MRPL46: variants seen among roughly 807,000 people sequenced by gnomAD.
MRPL46 encodes the protein mitochondrial ribosomal protein L46.
Under a neutral mutation model 31.0 loss-of-function variants are expected in MRPL46, and 26 were observed. The ratio of observed to expected loss-of-function variants is 0.84; its 90% confidence interval spans 0.61 to 1.16. The LOEUF (loss-of-function observed/expected upper bound fraction) is 1.16. Among genes scored for constraint, MRPL46 ranks in the 50% most tolerant of loss-of-function variants. The pLI is 0.00. For missense variants in MRPL46, 395 were observed against 340.0 expected (o/e 1.16, Z -1.27); for synonymous variants, 159 against 141.3 (o/e 1.13, Z -0.89).
chr15:88,465,290 C>T lies in MRPL46; in HGVS notation c.415+297G>A, dbSNP rs141647449. ...TTTAAGAGGGATTTCACATAAAACA[C>T]AGGAATTAGTGGAAAAAGGCTTCAT... On this transcript the variant is annotated intron_variant, in intron 2 of 3. Transcript: ENST00000312475. 3.3e-3 allele frequency: 1,414 copies of T among 429,068 alleles called. 3 individuals carry two copies. Among genetic ancestry groups the T allele is most frequent in the Middle Eastern group, 5.9e-3 (10 of 1,686 alleles). The allele number at this position is 429,068 out of a possible 1,614,324, so 26.6% of individuals were successfully genotyped here.
chr15:88,466,611 T>A (rs572609580), intron 1 of MRPL46, among the ~76,000 whole-genome samples: 1 of 152,328 alleles, frequency 6.6e-6, no homozygotes, highest in East Asian at 1.9e-4. Flanking sequence ...AAGTTTATAG[T>A]TCTCAACAGA....
At position 88,464,676 on chromosome 15, in the gene MRPL46, G is replaced by A. The variant is rs112399455; in HGVS notation, c.589+27C>T. 8.1e-6 allele frequency: 13 copies of A among 1,608,548 alleles called. No homozygotes were observed. In the African/African-American group the frequency reaches 9.4e-5, roughly 12 times the overall value. On this transcript the variant is annotated intron_variant, in intron 3 of 3. Transcript: ENST00000312475. Reference sequence around the variant, plus strand: ...GGCTGAGTCTGAAGTGAATTTTGTGGAATTTAGAGGAAGGCAGAAAACCCA... The same window carrying A: ...GGCTGAGTCTGAAGTGAATTTTGTGAAATTTAGAGGAAGGCAGAAAACCCA...
At chr15:88,467,106 C>A in intron 1 of MRPL46, 44 bp downstream of exon 1, 1 of 1,591,934 alleles carries the variant, frequency 6.3e-7, no homozygotes, top group South Asian at 1.1e-5. Flanking sequence ...CGCTCAAAGT[C>A]ACGCAGAATA....
Position 88,467,355 on chromosome 15 carries a change from G to T in MRPL46, c.23C>A (p.Thr8Lys). The T allele has an allele frequency of 5.0e-6, 8 of 1,590,158 alleles. No homozygotes were observed. Among genetic ancestry groups the T allele is most frequent in the African/African-American group, 1.3e-5 (1 of 74,180 alleles). The change falls in exon 1 of 4, where the codon ACG (threonine) becomes AAG (lysine). Residue 8 changes from threonine to lysine, a missense_variant. By Grantham distance (78) the Thr-to-Lys change is moderately conservative (BLOSUM62 -1). Transcript: ENST00000312475. MAAPVRR[T>K]LLGVAGGWRR... Reference sequence around the variant, plus strand: ...CCAACCCCCCGCCACCCCTAACAGCGTCCGCCTTACGGGCGCCGCCATCTT... The same window carrying T: ...CCAACCCCCCGCCACCCCTAACAGCTTCCGCCTTACGGGCGCCGCCATCTT...
chr15:88,467,009 A>G, intron 1 of MRPL46, 141 bp downstream of exon 1: 4 of 912,526 alleles, frequency 4.4e-6, no homozygotes, highest in Non-Finnish European at 6.6e-6. Flanking sequence ...TTTTTGTTGA[A>G]CATCTATGTA....
chr15:88,467,347 C>A lies in MRPL46; in HGVS notation c.31G>T (p.Gly11Trp), dbSNP rs1309535898. 9 of 1,596,518 alleles carry A rather than the reference C, an allele frequency of 5.6e-6. No individual in the cohort carries two copies. Among genetic ancestry groups the A allele is most frequent in the African/African-American group, 2.7e-5 (2 of 74,282 alleles). Residue 11 changes from glycine (G) to tryptophan (W), a missense_variant, in exon 1 of 4, where the codon GGG (glycine) becomes TGG (tryptophan). Coordinates refer to ENST00000312475, the MANE Select transcript of MRPL46 (RefSeq NM_022163.4). MAAPVRRTLL[G>W]VAGGWRRFER... ...AACCGCCGCCAACCCCCCGCCACCC[C>A]TAACAGCGTCCGCCTTACGGGCGCC...
chr15:88,464,819 A>G lies in MRPL46; in HGVS notation c.473T>C (p.Val158Ala). 8 of 1,614,184 alleles carry G rather than the reference A, an allele frequency of 5.0e-6. No individual in the cohort carries two copies. Among genetic ancestry groups the G allele is most frequent in the Non-Finnish European group, 5.9e-6 (7 of 1,180,024 alleles). ...TCCAAACTTCTCTCTGACTAACAGGACAAGGTTCCTGTCTAGCTTCCTGTT... is the reference window on the plus strand; with the variant it reads ...TCCAAACTTCTCTCTGACTAACAGGGCAAGGTTCCTGTCTAGCTTCCTGTT... ...SLNRKLDRNL[V>A]LLVREKFGDQ... is the part of the protein sequence containing the mutation. The change falls in exon 3 of 4, where the codon GTC becomes GCC. Residue 158 changes from valine (V) to alanine (A), a missense_variant. Transcript: ENST00000312475.
At chr15:88,460,750 T>TC (rs955968658) in intron 3 of MRPL46, 1 of 152,212 alleles carries the variant, frequency 6.6e-6, no homozygotes, top group African/African-American at 2.4e-5. Context: ...ATTTTTTTTT[T>TC]CCCAAGACAG....
chr15:88,464,459 T>C (rs1322075503), intron 3 of MRPL46: 2 of 444,462 alleles, frequency 4.5e-6, no homozygotes, highest in African/African-American at 4.1e-5. Flanking sequence ...AATATCAATT[T>C]TGAATGTACT....
At chr15:88,466,395 T>G (rs1000088800) in intron 1 of MRPL46, among the ~76,000 whole-genome samples, 2 of 152,222 alleles carry the variant, frequency 1.3e-5, no homozygotes, top group African/African-American at 2.4e-5. Context: ...TGTATGATTA[T>G]TTGGTTACTG....
rs1567041428 is a variant in MRPL46 at position 88,467,314 on chromosome 15, G to A, written c.64C>T (p.Leu22Phe). ...CGAGAGCTTAGACTGCCGGCCCAGAGCCTCTCGAACCGCCGCCAACCCCCC... is the reference window on the plus strand; with the variant it reads ...CGAGAGCTTAGACTGCCGGCCCAGAACCTCTCGAACCGCCGCCAACCCCCC... ...VAGGWRRFER[L>F]WAGSLSSRSL... The change falls in exon 1 of 4, where the codon CTC (leucine) becomes TTC (phenylalanine). Residue 22 changes from leucine to phenylalanine, a missense_variant. Physicochemically the swap from Leu to Phe is conservative, Grantham distance 22. Coordinates refer to ENST00000312475, the MANE Select transcript of MRPL46 (RefSeq NM_022163.4). The A allele has an allele frequency of 6.8e-6, 11 of 1,610,188 alleles. No homozygotes were observed. Among genetic ancestry groups the A allele is most frequent in the Non-Finnish European group, 7.6e-6 (9 of 1,178,484 alleles).
chr15:88,461,004 G>A (rs2055472999), intron 3 of MRPL46: 2 of 152,168 alleles, frequency 1.3e-5, no homozygotes, highest in African/African-American at 4.8e-5. Context: ...GCCTCCCAAA[G>A]TGCAGGGCAT....
At position 88,463,053 on chromosome 15, in the gene MRPL46, T is replaced by C. The variant is rs966800761; in HGVS notation, c.589+1650A>G. 4.6e-5 allele frequency: 7 copies of C among 152,232 alleles called. No homozygotes were observed. The highest frequency in any genetic ancestry group is 2.1e-4 in the South Asian group (1 of 4,826). The allele number at this position is 152,232 out of a possible 1,614,324, so 9.4% of individuals were successfully genotyped here. ...TGTGAATGTTTGACGTTAAGAGACG[T>C]TGAGCATCTGGACACAATGATCCTC... On this transcript the variant is annotated intron_variant, in intron 3 of 3. Coordinates refer to ENST00000312475, the MANE Select transcript of MRPL46 (RefSeq NM_022163.4). This position sits in a 1 kb window ranked among gnomAD's most constrained non-coding sequence, Gnocchi z 5.4.
At chr15:88,461,359 C>T (rs1192423996) in intron 3 of MRPL46, 3 of 151,866 alleles carry the variant, frequency 2.0e-5, no homozygotes, top group African/African-American at 7.3e-5. Flanking sequence ...TAAGGCCAGC[C>T]TGGGCAACAT....
Position 88,467,323 on chromosome 15 carries a change from A to ACCGCCGCCAAC in MRPL46, c.44_54dup (p.Phe19ValfsTer13). 6.2e-7 allele frequency: 1 copy of ACCGCCGCCAAC among 1,605,952 alleles called. No homozygotes were observed. Among genetic ancestry groups the ACCGCCGCCAAC allele is most frequent in the Non-Finnish European group, 8.5e-7 (1 of 1,176,342 alleles). On this transcript the variant is annotated frameshift_variant, in exon 1 of 4. Coordinates refer to ENST00000312475, the MANE Select transcript of MRPL46 (RefSeq NM_022163.4). LOFTEE classifies it high-confidence loss of function. ...AGACTGCCGGCCCAGAGCCTCTCGA[A>ACCGCCGCCAAC]CCGCCGCCAACCCCCCGCCACCCCT...
chr15:88,459,804 ACT>A lies in MRPL46; in HGVS notation c.647_648del (p.Lys216IlefsTer10). 1 of 1,614,210 alleles carries A rather than the reference ACT, an allele frequency of 6.2e-7. No individual in the cohort carries two copies. The highest frequency in any genetic ancestry group is 1.1e-5 in the South Asian group (1 of 91,088). Reference sequence around the variant, plus strand: ...CTCTCTGTCCGCATTGCCTGGGGGAACTTGAATGTGTAGTGCCCACAGGGTGC... The same window carrying A: ...CTCTCTGTCCGCATTGCCTGGGGGAATGAATGTGTAGTGCCCACAGGGTGC... ...GNAPCGHYTFKFPQAMRTESN... is the reference protein window; with the variant it reads ...GNAPCGHYTFXFPQAMRTESN... On this transcript the variant is annotated frameshift_variant, in exon 4 of 4. Transcript: ENST00000312475. LOFTEE classifies it high-confidence loss of function.
At position 88,465,666 on chromosome 15, in the gene MRPL46, C is replaced by T; in HGVS notation, c.336G>A (p.Gln112=). The T allele has an allele frequency of 1.9e-6, 3 of 1,613,596 alleles. No homozygotes were observed. The highest frequency in any genetic ancestry group is 2.5e-6 in the Non-Finnish European group (3 of 1,179,916). ...CCAAATCTTGCGCCAGCAATATATC[C>T]TGTTCATCTTCTTCATCATGAAGGT... ...KADLHDEEDE[Q]DILLAQDLED... Residue 112 remains glutamine, a synonymous_variant, in exon 2 of 4, where the codon CAG becomes CAA. Coordinates refer to ENST00000312475, the MANE Select transcript of MRPL46 (RefSeq NM_022163.4).
At chr15:88,467,055 G>A (rs192145225) in intron 1 of MRPL46, 95 bp downstream of exon 1, 12 of 1,368,984 alleles carry the variant, frequency 8.8e-6, no homozygotes, top group Non-Finnish European at 1.2e-5. Context: ...CCATTCTGCG[G>A]ATAAGTACCG....
At chr15:88,462,778 CA>C (rs1222448978) in intron 3 of MRPL46, 1 of 152,212 alleles carries the variant, frequency 6.6e-6, no homozygotes, top group Admixed American at 6.5e-5. Context: ...TTTAAATATA[CA>C]GTATATACTC....
Sources: allele counts gnomAD v4.1 joint callset (sites outside exome capture counted in the v4.1 genomes callset), GRCh38; gene constraint gnomAD v4.1.1; non-coding constraint Gnocchi (gnomAD v3.1); transcripts MANE v1.5; gene names NCBI Gene and HGNC (gene_info 2026-07-23, HGNC 2026-07-21).